Variants in FN3K observed in about 807,000 individuals in gnomAD.
FN3K encodes the protein fructosamine-3-kinase.
Under a neutral mutation model 24.8 loss-of-function variants are expected in FN3K, and 24 were observed. The ratio of observed to expected loss-of-function variants is 0.97; its 90% CI spans 0.70 to 1.36. The LOEUF is 1.36. Ranked by LOEUF, FN3K falls within the 40% of genes most tolerant of loss-of-function variation. The pLI, the probability that FN3K is intolerant of heterozygous loss-of-function variation, is 0.00. For synonymous variants in FN3K, 192 were observed against 175.2 expected, an observed-to-expected ratio of 1.10 and a Z score of -0.76; for missense variants, 449 against 416.7, an observed-to-expected ratio of 1.08 and a Z score of -0.67.
chr17:82,748,501 GC>G (rs2046981091), intron 4 of FN3K, among the ~76,000 whole-genome samples: 1 of 79,242 alleles, frequency 1.3e-5, no homozygotes, highest in African/African-American at 6.8e-5. Context: ...ATCCTTTCAA[GC>G]TTTTTTTTTT....
At chr17:82,749,128 C>T in intron 5 of FN3K, 151 bp downstream of exon 5, 2 of 1,244,044 alleles carry the variant, frequency 1.6e-6, no homozygotes, top group Non-Finnish European at 2.3e-6. Flanking sequence ...GGCGGGGGTT[C>T]CCCCAAAAGG....
rs1199124213 is a variant in FN3K at position 82,735,738 on chromosome 17, C to T, written c.102C>T (p.Asp34=). ...GCGAGGGCCGAGCCTACGACACGGA[C>T]GCAGGCCCAGTGTTCGTCAAAGTCA... is the stretch of plus-strand genomic sequence containing the variant. The part of the protein sequence containing the change: ...CISEGRAYDT[D]AGPVFVKVNR... The change falls in exon 1 of 6, where the codon GAC becomes GAT. Residue 34 remains aspartate (D), a synonymous_variant. Transcript: ENST00000300784. 4 of 1,560,970 alleles carry T rather than the reference C, an allele frequency of 2.6e-6. No individual in the cohort carries two copies. The highest frequency in any genetic ancestry group is 3.5e-6 in the Non-Finnish European group (4 of 1,154,826).
intron 2 of FN3K, among the ~76,000 whole-genome samples, chr17:82,739,006 G>A (rs886356866): frequency 1.4e-5 from 2 of 145,898 alleles, no homozygotes; most frequent in Non-Finnish European, 3.0e-5. Context: ...GCAGTGCAGT[G>A]GTGCAATCTC....
chr17:82,736,126 G>A (rs2046899271), intron 1 of FN3K: 1 of 273,186 alleles, frequency 3.7e-6, no homozygotes, highest in Admixed American at 5.3e-5. Context: ...AAGAAGCAGA[G>A]ACATGGCTGG....
At chr17:82,740,625 T>C (rs2046936015) in intron 2 of FN3K, 138 bp from the exon 3 acceptor site, 2 of 650,040 alleles carry the variant, frequency 3.1e-6, no homozygotes. Flanking sequence ...AAAGAGTCAT[T>C]GCCTGGTGTT....
In FN3K at chr17:82,748,895, G is replaced by A. The variant is rs1432118719; in HGVS notation, c.509G>A (p.Arg170Gln). Residue 170 changes from arginine (R) to glutamine (Q), a missense_variant, in exon 5 of 6, where the codon CGG (arginine) becomes CAG (glutamine). Physicochemically the swap from Arg to Gln is conservative, Grantham distance 43. Transcript: ENST00000300784. ...WQDDWPTFFA[R>Q]HRLQAQLDLI... is the part of the protein sequence containing the mutation. ...GATGACTGGCCGACCTTTTTCGCCCGGCACCGGCTCCAGGCGCAGCTGGAC... is the reference window on the plus strand; with the variant it reads ...GATGACTGGCCGACCTTTTTCGCCCAGCACCGGCTCCAGGCGCAGCTGGAC... The A allele has an allele frequency of 4.3e-6, 7 of 1,613,618 alleles. No homozygotes were observed. The highest frequency in any genetic ancestry group is 1.3e-5 in the African/African-American group (1 of 74,894).
At chr17:82,740,573 C>G (rs186552717) in intron 2 of FN3K, among the ~76,000 whole-genome samples, 190 bp from the exon 3 acceptor site, 1 of 152,186 alleles carries the variant, frequency 6.6e-6, no homozygotes, top group Admixed American at 6.5e-5. Context: ...GCCTGGATGA[C>G]AGAGCAAGGC....
intron 2 of FN3K, 142 bp downstream of exon 2, chr17:82,738,782 A>C: frequency 9.8e-7 from 1 of 1,017,080 alleles, no homozygotes; most frequent in Non-Finnish European, 1.5e-6. Flanking sequence ...CGTCCACACA[A>C]CTGCCCGGTT....
intron 3 of FN3K, 51 bp downstream of exon 3, chr17:82,740,905 C>G (rs1598341357): frequency 2.4e-6 from 3 of 1,256,628 alleles, no homozygotes; most frequent in Non-Finnish European, 3.5e-6. Flanking sequence ...ATTGTCTACC[C>G]TAGATGGGTG....
At chr17:82,747,644 C>A (rs1031395643) in intron 4 of FN3K, among the ~76,000 whole-genome samples, 4 of 152,188 alleles carry the variant, frequency 2.6e-5, no homozygotes, top group Non-Finnish European at 5.9e-5. Context: ...CGTGATCCAC[C>A]CACCTCGGCC....
chr17:82,741,170 T>G, intron 3 of FN3K, 141 bp from the exon 4 acceptor site: 3 of 767,180 alleles, frequency 3.9e-6, no homozygotes, highest in Non-Finnish European at 6.8e-6. Context: ...ATATATTGAC[T>G]AATTGCTACT....
intron 4 of FN3K, among the ~76,000 whole-genome samples, chr17:82,748,464 C>A (rs939486591): frequency 6.6e-6 from 1 of 151,152 alleles, no homozygotes; most frequent in Non-Finnish European, 1.5e-5. Context: ...TTTCTTTTGA[C>A]TAGTGTTAGC....
In FN3K at chr17:82,750,915, C is replaced by CCTCCGT; in HGVS notation, c.*161_*162insTCCGTC. 2 of 375,646 alleles carry CCTCCGT rather than the reference C, an allele frequency of 5.3e-6. No homozygotes were observed. The highest frequency in any genetic ancestry group is 4.3e-5 in the South Asian group (2 of 46,994). The allele number at this position is 375,646 out of a possible 1,614,324, so 23.3% of individuals were successfully genotyped here. ...GTCCCCCCATCCTCCTGTCCCCGTC[C>CCTCCGT]CCCCGTCCCCGTCCCTCCATCCCTG... is the stretch of plus-strand genomic sequence containing the variant. On this transcript the variant is annotated 3_prime_UTR_variant, in exon 6 of 6. Transcript: ENST00000300784.
chr17:82,741,489 T>C (rs1333772143), intron 4 of FN3K, 96 bp downstream of exon 4: 7 of 1,122,964 alleles, frequency 6.2e-6, no homozygotes, highest in African/African-American at 3.1e-5. Flanking sequence ...ACCAGCAAGA[T>C]TGACTACTTG....
rs1437316870 is a variant in FN3K at position 82,750,310 on chromosome 17, T to G, written c.592-107T>G. On this transcript the variant is annotated intron_variant, in intron 5 of 5. Transcript: ENST00000300784. ...TGGGCTTGGCAGGCAGTGCTGGGGC[T>G]GGACACCGAAGCAGATCGCGAGTGG... 3.5e-5 allele frequency: 34 copies of G among 983,968 alleles called. No homozygotes were observed. In the Admixed American group the frequency reaches 6.7e-4, roughly 19 times the overall value. 61.0% of individuals were successfully genotyped at this position (983,968 alleles called of 1,614,324 possible).
intron 4 of FN3K, among the ~76,000 whole-genome samples, chr17:82,747,994 T>C (rs181354650): frequency 6.6e-6 from 1 of 152,290 alleles, no homozygotes; most frequent in Admixed American, 6.5e-5. Context: ...CTGCAGTTCT[T>C]TTACGTATTT....
chr17:82,748,655 T>C (rs1446895358), intron 4 of FN3K, among the ~76,000 whole-genome samples, 200 bp from the exon 5 acceptor site: 2 of 152,232 alleles, frequency 1.3e-5, no homozygotes, highest in African/African-American at 4.8e-5. Flanking sequence ...GAGTCTGTCA[T>C]CTTGCAATTT....
In FN3K at chr17:82,750,659, G is replaced by T. The variant is rs1252906145; in HGVS notation, c.834G>T (p.Leu278=). ...CTCCGGGCTTCGACCAGCGGCTGCT[G>T]CTCTACCAGCTGTTTAACTACCTGA... ...PKAPGFDQRL[L]LYQLFNYLNH... is the part of the protein sequence containing the mutation. Residue 278 remains leucine, a synonymous_variant, in exon 6 of 6, where the codon CTG becomes CTT. Coordinates refer to ENST00000300784, the MANE Select transcript of FN3K (RefSeq NM_022158.4). 1 of 1,613,880 alleles carries T rather than the reference G, an allele frequency of 6.2e-7. No individual in the cohort carries two copies.
chr17:82,739,257 A>C (rs1040833417), intron 2 of FN3K, among the ~76,000 whole-genome samples: 2 of 151,524 alleles, frequency 1.3e-5, no homozygotes, highest in Non-Finnish European at 2.9e-5. Flanking sequence ...CAAAATAAGT[A>C]TATTTGAACC....
Sources: allele counts gnomAD v4.1 joint callset (sites outside exome capture counted in the v4.1 genomes callset), GRCh38; gene constraint gnomAD v4.1.1; transcripts MANE v1.5; gene names NCBI Gene and HGNC (gene_info 2026-07-23, HGNC 2026-07-21).